The following GARNL3 variants were observed in gnomAD, a reference collection of about 807,000 sequenced individuals.
GARNL3 encodes GTPase-activating Rap/Ran-GAP domain-like protein 3.
In GARNL3, 63 loss-of-function variants were observed where a neutral mutation model predicts 125.0. The ratio of observed to expected loss-of-function variants is 0.50; its 90% CI spans 0.41 to 0.62. The LOEUF (loss-of-function observed/expected upper bound fraction) is 0.62, where lower values mean the gene tolerates loss of function less well. Among genes scored for constraint, GARNL3 ranks in the 20% least tolerant of loss-of-function variants. The probability of loss-of-function intolerance (pLI) is 0.00; values close to 1 mark genes in which losing one functional copy is unlikely to be tolerated. For missense variants in GARNL3, 994 were observed against 1,244.0 expected (o/e 0.80, Z 3.02); for synonymous variants, 439 against 457.5 (o/e 0.96, Z 0.52).
intron 17 of GARNL3, among the ~76,000 whole-genome samples, chr9:127,349,687 C>T (rs1437271783): frequency 6.6e-6 from 1 of 151,916 alleles, no homozygotes; most frequent in Non-Finnish European, 1.5e-5. Context: ...TGGTCCCTTC[C>T]ATCAGGAGTC....
intron 1 of GARNL3, among the ~76,000 whole-genome samples, chr9:127,274,931 A>C (rs2063915073): frequency 6.6e-6 from 1 of 152,114 alleles, no homozygotes; most frequent in Non-Finnish European, 1.5e-5. Context: ...TCTGTTTGGT[A>C]ACAGCCGTTG....
At chr9:127,283,948 G>A (rs975816960) in intron 1 of GARNL3, among the ~76,000 whole-genome samples, 2 of 152,204 alleles carry the variant, frequency 1.3e-5, no homozygotes, top group African/African-American at 4.8e-5. Context: ...CTTAGCATTA[G>A]TGATGTTACA....
intron 2 of GARNL3, among the ~76,000 whole-genome samples, chr9:127,292,082 G>A (rs1431175071): frequency 6.6e-6 from 1 of 151,932 alleles, no homozygotes; most frequent in African/African-American, 2.4e-5. Flanking sequence ...CACATTGCCG[G>A]TTTTCTCCTG....
chr9:127,278,943 A>T (rs1182606150), intron 1 of GARNL3, among the ~76,000 whole-genome samples: 1 of 152,094 alleles, frequency 6.6e-6, no homozygotes, highest in Non-Finnish European at 1.5e-5. Flanking sequence ...TTTCTCTTAT[A>T]AAGACATCAG....
Position 127,293,254 on chromosome 9 carries a change from A to G in GARNL3, c.219+2012A>G, listed in dbSNP as rs183560849. Reference sequence around the variant, plus strand: ...AAGGACTCACTATATATAGTTGCTTAAAAATTCTCAAACCTCTGAACAAAC... The same window carrying G: ...AAGGACTCACTATATATAGTTGCTTGAAAATTCTCAAACCTCTGAACAAAC... On this transcript the variant is annotated intron_variant, in intron 2 of 27. Coordinates refer to ENST00000373387, the MANE Select transcript of GARNL3 (RefSeq NM_032293.5). Among the ~76,000 whole-genome samples the G allele has an allele frequency of 1.2e-4, 18 of 152,370 alleles. No homozygotes were observed. In the East Asian group the frequency reaches 3.3e-3, roughly 28 times the overall value.
intron 7 of GARNL3, among the ~76,000 whole-genome samples, chr9:127,330,730 GAAA>G (rs10545245): frequency 0.29 from 44,179 of 151,884 alleles, 6,674 homozygotes; most frequent in Middle Eastern, 0.38. Context: ...GGCCACTCTG[GAAA>G]TTGACACTTG....
chr9:127,323,325 T>C (rs1273201881), intron 6 of GARNL3, among the ~76,000 whole-genome samples: 1 of 152,196 alleles, frequency 6.6e-6, no homozygotes, highest in Non-Finnish European at 1.5e-5. Flanking sequence ...CAGGGCAAAT[T>C]GCAGGACTAT....
At chr9:127,370,922 ACACTC>A (rs1432049045) in intron 22 of GARNL3, among the ~76,000 whole-genome samples, 1 of 152,100 alleles carries the variant, frequency 6.6e-6, no homozygotes, top group East Asian at 1.9e-4. Context: ...CCAATGTGTC[ACACTC>A]CTTACTGTAC....
At position 127,365,286 on chromosome 9, in the gene GARNL3, C is replaced by G; in HGVS notation, c.2095-14C>G. 1 of 1,610,984 alleles carries G rather than the reference C, an allele frequency of 6.2e-7. No homozygotes were observed. ...ATCCAGCCTGCCCACTACCGTTGCC[C>G]GTTATCATTGCAGGTTAATTTTGTT... On this transcript the variant is annotated splice_polypyrimidine_tract_variant and intron_variant, in intron 21 of 27. Transcript: ENST00000373387.
In GARNL3 at chr9:127,332,282, G is replaced by T; in HGVS notation, c.603G>T (p.Val201=). ...LLVLEEQEGS[V]NFKFGVLFAK... ...TTTGTTATTATCCTAAGGGCTCTGT[G>T]AATTTCAAGTTTGGGGTTCTTTTTG... The change falls in exon 8 of 28, where the codon GTG becomes GTT. Residue 201 remains valine, a synonymous_variant. Transcript: ENST00000373387. The T allele has an allele frequency of 6.2e-7, 1 of 1,613,076 alleles. No homozygotes were observed. Among genetic ancestry groups the T allele is most frequent in the Non-Finnish European group, 8.5e-7 (1 of 1,179,106 alleles).
chr9:127,264,739 G>T, upstream of GARNL3: 1 of 1,266,504 alleles, frequency 7.9e-7, no homozygotes, highest in Non-Finnish European at 1.0e-6. Flanking sequence ...GGATGACTCT[G>T]GCGTTTGCTT....
chr9:127,260,520 G>A (rs2063568233), upstream of GARNL3, among the ~76,000 whole-genome samples: 1 of 152,154 alleles, frequency 6.6e-6, no homozygotes, highest in African/African-American at 2.4e-5. Flanking sequence ...CAACAGTAGG[G>A]ATTTGGGAGA....
In GARNL3 at chr9:127,280,564, A is replaced by G. The variant is rs2064077296; in HGVS notation, c.145-10604A>G. On this transcript the variant is annotated intron_variant, in intron 1 of 27. Transcript: ENST00000373387. This position sits in a 1 kb window ranked among gnomAD's most constrained non-coding sequence, Gnocchi z 4.5. The stretch of plus-strand genomic sequence containing the variant: ...TCCAAGCAACAAAGCCAGACACCAA[A>G]TACGTTTCTCGATTCTTCTCCATTG... 6.6e-6 allele frequency among the ~76,000 whole-genome samples: 1 copy of G among 152,208 alleles called. No individual in the cohort carries two copies. Among genetic ancestry groups the G allele is most frequent in the African/African-American group, 2.4e-5 (1 of 41,440 alleles).
rs369414639 is a variant in GARNL3, at chr9:127,248,944, A to G, written c.143+5695A>G. ...GTTTTTCATTTGCCTGACTTCTGTCACTAATTCCCAGCTAATTCCAAAAAG... is the reference window on the plus strand; with the variant it reads ...GTTTTTCATTTGCCTGACTTCTGTCGCTAATTCCCAGCTAATTCCAAAAAG... On this transcript the variant is annotated intron_variant, in intron 2 of 10. Coordinates refer to the GARNL3 transcript ENST00000439286. Among the ~76,000 whole-genome samples, 31 of 152,132 alleles carry G rather than the reference A, an allele frequency of 2.0e-4. No homozygotes were observed. In the East Asian group the frequency reaches 3.5e-3, roughly 17 times the overall value.
chr9:127,383,637 CTGCGAAATTGCT>C, intron 23 of GARNL3, 92 bp downstream of exon 23: 1 of 753,744 alleles, frequency 1.3e-6, no homozygotes, highest in Non-Finnish European at 2.2e-6. Flanking sequence ...CACTGGCTTA[CTGCGAAATTGCT>C]ATAAATTATA....
At chr9:127,330,580 G>A (rs959908365) in intron 7 of GARNL3, among the ~76,000 whole-genome samples, 2 of 152,202 alleles carry the variant, frequency 1.3e-5, no homozygotes, top group Non-Finnish European at 2.9e-5. Context: ...CAGGACTCAG[G>A]TTCTAGTGGT....
chr9:127,246,931 C>CTT (rs35410163), intron 2 of GARNL3, among the ~76,000 whole-genome samples: 13,519 of 99,210 alleles, frequency 0.14, 1,140 homozygotes, highest in Middle Eastern at 0.16. Context: ...GACCTTCCTT[C>CTT]TTTTTTTTTT....
chr9:127,260,478 C>T (rs985281815), upstream of GARNL3, among the ~76,000 whole-genome samples: 14 of 152,198 alleles, frequency 9.2e-5, no homozygotes, highest in African/African-American at 3.4e-4. Flanking sequence ...TCTTCACTGA[C>T]ACACTAATCA....
intron 4 of GARNL3, among the ~76,000 whole-genome samples, chr9:127,314,669 C>G (rs2065188714): frequency 6.6e-6 from 1 of 152,134 alleles, no homozygotes; most frequent in South Asian, 2.1e-4. Flanking sequence ...AAGTAGCAAT[C>G]ACATCCTCAC....
Sources: allele counts gnomAD v4.1 joint callset (sites outside exome capture counted in the v4.1 genomes callset), GRCh38; gene constraint gnomAD v4.1.1; non-coding constraint Gnocchi (gnomAD v3.1); transcripts MANE v1.5; gene names NCBI Gene and HGNC (gene_info 2026-07-23, HGNC 2026-07-21).